Variants in SLC37A2 observed in about 807,000 individuals in gnomAD.
The protein encoded by SLC37A2 is solute carrier family 37 member 2.
SLC37A2 carries 59 observed loss-of-function variants against 70.7 expected under a neutral mutation model. The ratio of observed to expected loss-of-function variants is 0.83; its 90% CI spans 0.68 to 1.04. The LOEUF (loss-of-function observed/expected upper bound fraction) is 1.04, where lower values mean the gene tolerates loss of function less well. SLC37A2 is among the 50% of genes least tolerant of loss of function. SLC37A2 has a pLI of 0.00. For synonymous variants in SLC37A2, 257 were observed against 262.1 expected (o/e 0.98, Z 0.19); for missense variants, 580 against 658.1 (o/e 0.88, Z 1.30).
In SLC37A2 at chr11:125,090,104, C is replaced by G. The variant is rs1317178424; in HGVS notation, c.*1970C>G. 6.6e-6 allele frequency: 1 copy of G among 152,252 alleles called. No homozygotes were observed. The highest frequency in any genetic ancestry group is 6.5e-5 in the Admixed American group (1 of 15,282). The allele number at this position is 152,252 out of a possible 1,614,324, so 9.4% of individuals were successfully genotyped here. On this transcript the variant is annotated 3_prime_UTR_variant, in exon 18 of 18. Coordinates refer to ENST00000403796, the MANE Select transcript of SLC37A2 (RefSeq NM_001145290.2). ...CTGCTCTGGTGGGGCCTCGGAGAAC[C>G]TTTATATCTAGCTCAGGGATTGTAA...
intron 1 of SLC37A2, among the ~76,000 whole-genome samples, chr11:125,064,769 G>A (rs1591624768): frequency 6.6e-6 from 1 of 152,256 alleles, no homozygotes; most frequent in East Asian, 1.9e-4. Context: ...GTTATAATCG[G>A]TTCAAAAGAG....
At chr11:125,071,455 A>T (rs897548917) in intron 1 of SLC37A2, among the ~76,000 whole-genome samples, 1 of 152,084 alleles carries the variant, frequency 6.6e-6, no homozygotes, top group South Asian at 2.1e-4. Context: ...AGGGTCCCCC[A>T]CTCAGCTTTC....
chr11:125,068,982 C>T (rs1248690401), intron 1 of SLC37A2, among the ~76,000 whole-genome samples: 1 of 152,216 alleles, frequency 6.6e-6, no homozygotes, highest in Non-Finnish European at 1.5e-5. Context: ...GACTCCTCCT[C>T]TGTAAAATGA....
intron 1 of SLC37A2, among the ~76,000 whole-genome samples, chr11:125,071,853 A>AGGGTTGGGGGGGG (rs1949032769): frequency 1.6e-5 from 1 of 64,400 alleles, no homozygotes. Context: ...CTTGTGGGGG[A>AGGGTTGGGGGGGG]GGGGGGGTGG....
intron 1 of SLC37A2, among the ~76,000 whole-genome samples, chr11:125,064,924 A>G (rs945605303): frequency 6.6e-6 from 1 of 152,232 alleles, no homozygotes; most frequent in African/African-American, 2.4e-5. Flanking sequence ...TAGACTAAAA[A>G]TGGTTAGAAT....
At chr11:125,079,393 C>T (rs1949124330) in intron 5 of SLC37A2, 146 bp downstream of exon 5, 2 of 1,063,536 alleles carry the variant, frequency 1.9e-6, no homozygotes, top group Non-Finnish European at 2.7e-6. Flanking sequence ...ACCTCCTGGC[C>T]CCACTGCCCC....
chr11:125,081,509 G>A, intron 8 of SLC37A2, 51 bp downstream of exon 8: 1 of 1,570,522 alleles, frequency 6.4e-7, no homozygotes, highest in Non-Finnish European at 8.7e-7. Flanking sequence ...TCCATCCAGA[G>A]GGCTGGACCC....
chr11:125,079,532 G>T (rs1949125254), intron 5 of SLC37A2, 152 bp from the exon 6 acceptor site: 2 of 658,512 alleles, frequency 3.0e-6, no homozygotes, highest in East Asian at 2.7e-5. Context: ...AGGAGGTGTG[G>T]CATGTGTGTA....
intron 7 of SLC37A2, 148 bp from the exon 8 acceptor site, chr11:125,081,273 G>A (rs1374685519): frequency 1.3e-5 from 10 of 748,688 alleles, no homozygotes; most frequent in Non-Finnish European, 1.8e-5. Flanking sequence ...CCCTCCTGCT[G>A]GGACACACAC....
chr11:125,084,209 G>A, intron 11 of SLC37A2, 25 bp from the exon 12 acceptor site: 1 of 1,613,806 alleles, frequency 6.2e-7, no homozygotes, highest in South Asian at 1.1e-5. Flanking sequence ...CTGGGAGTCA[G>A]TGCGTGAGTG....
Position 125,077,229 on chromosome 11 carries a change from G to C in SLC37A2, c.142-1G>C, listed in dbSNP as rs780512871. On this transcript the variant is annotated splice_acceptor_variant, in intron 2 of 17. Transcript: ENST00000403796. LOFTEE classifies it high-confidence loss of function. ...ACCTGTATGTCCCATTGCCTATCCA[G>C]AGCCGTCTGCACCAGAACTGCTCGG... The C allele has an allele frequency of 1.3e-5, 21 of 1,581,666 alleles. No individual in the cohort carries two copies. The highest frequency in any genetic ancestry group is 1.6e-5 in the Non-Finnish European group (19 of 1,164,628).
At chr11:125,075,071 C>CA (rs34538543) in intron 1 of SLC37A2, among the ~76,000 whole-genome samples, 10 of 151,164 alleles carry the variant, frequency 6.6e-5, no homozygotes, top group Admixed American at 2.6e-4. Flanking sequence ...AAACCAGAGG[C>CA]AAAAAAAAGG....
At chr11:125,067,336 C>CGT (rs1266364723) in intron 1 of SLC37A2, among the ~76,000 whole-genome samples, 1 of 152,094 alleles carries the variant, frequency 6.6e-6, no homozygotes, top group Admixed American at 6.5e-5. Flanking sequence ...ACTAGTAACA[C>CGT]GTATACTGTT....
Position 125,081,797 on chromosome 11 carries a change from A to G in SLC37A2, c.776A>G (p.Asn259Ser). 1 of 1,613,304 alleles carries G rather than the reference A, an allele frequency of 6.2e-7. No individual in the cohort carries two copies. The highest frequency in any genetic ancestry group is 1.1e-5 in the South Asian group (1 of 91,038). The stretch of plus-strand genomic sequence containing the variant: ...CAGGACAACCCTGAGGACCCTGGGA[A>G]CAGTCCCTGCTCTATCAGGGAGAGC... ...ENQDNPEDPGNSPCSIRESGL... is the reference protein window; with the variant it reads ...ENQDNPEDPGSSPCSIRESGL... The change falls in exon 9 of 18, where the codon AAC (asparagine) becomes AGC (serine). Residue 259 changes from asparagine (N) to serine (S), a missense_variant. Transcript: ENST00000403796.
At chr11:125,085,863 C>T (rs1411178003) in intron 16 of SLC37A2, 91 bp from the exon 17 acceptor site, 38 of 1,337,974 alleles carry the variant, frequency 2.8e-5, no homozygotes, top group Non-Finnish European at 4.1e-5. Context: ...CCCCCTTCTC[C>T]ACTGCCAGTC....
chr11:125,079,182 A>C lies in SLC37A2; in HGVS notation c.385A>C (p.Thr129Pro), dbSNP rs756031639. Residue 129 changes from threonine (T) to proline (P), a missense_variant, in exon 5 of 18, where the codon ACC becomes CCC. Physicochemically the swap from Thr to Pro is conservative, Grantham distance 38. Coordinates refer to ENST00000403796, the MANE Select transcript of SLC37A2 (RefSeq NM_001145290.2). ...TGGAATGCTGCTCAGTGGCCTTTTCACCTCGCTCTTTGGCCTGGGATATTT... is the reference window on the plus strand; with the variant it reads ...TGGAATGCTGCTCAGTGGCCTTTTCCCCTCGCTCTTTGGCCTGGGATATTT... ...SAGMLLSGLF[T>P]SLFGLGYFWN... 3.7e-6 allele frequency: 6 copies of C among 1,613,818 alleles called. No homozygotes were observed. The highest frequency in any genetic ancestry group is 4.2e-6 in the Non-Finnish European group (5 of 1,179,996).
intron 8 of SLC37A2, 72 bp from the exon 9 acceptor site, chr11:125,081,682 T>TG: frequency 6.6e-7 from 1 of 1,506,956 alleles, no homozygotes; most frequent in Non-Finnish European, 8.9e-7. Flanking sequence ...GTCTCTTGCC[T>TG]GGGCTGCACC....
rs979396213 is a variant in SLC37A2, at chr11:125,080,532, A to C, written c.528-82A>C. 15 of 1,311,248 alleles carry C rather than the reference A, an allele frequency of 1.1e-5. No homozygotes were observed. Among genetic ancestry groups the C allele is most frequent in the Admixed American group, 8.8e-5 (3 of 34,020 alleles). The allele number at this position is 1,311,248 out of a possible 1,614,324, so 81.2% of individuals were successfully genotyped here. A position where few individuals can be genotyped will look rare whatever the true frequency, so the allele number is the denominator to read the frequency against. Reference sequence around the variant, plus strand: ...GAAGCTGTAGTCAGCCCAGCTTTAGAGCTTGGCTGGGGCAGTTGCTATGAA... The same window carrying C: ...GAAGCTGTAGTCAGCCCAGCTTTAGCGCTTGGCTGGGGCAGTTGCTATGAA... On this transcript the variant is annotated intron_variant, in intron 6 of 17. Transcript: ENST00000403796. The surrounding 1 kb of genome is among the most constrained non-coding windows in gnomAD (Gnocchi z 4.3).
chr11:125,069,210 A>G (rs190982462), intron 1 of SLC37A2, among the ~76,000 whole-genome samples: 7 of 152,358 alleles, frequency 4.6e-5, no homozygotes, highest in African/African-American at 1.7e-4. Flanking sequence ...TGTGGAACAT[A>G]TGAGTGTAAT....
Sources: allele counts gnomAD v4.1 joint callset (sites outside exome capture counted in the v4.1 genomes callset), GRCh38; gene constraint gnomAD v4.1.1; non-coding constraint Gnocchi (gnomAD v3.1); transcripts MANE v1.5; gene names NCBI Gene and HGNC (gene_info 2026-07-23, HGNC 2026-07-21).